Variants in EDARADD observed in about 807,000 individuals in gnomAD.
The protein encoded by EDARADD is EDAR associated via death domain.
Under a neutral mutation model 25.6 loss-of-function variants are expected in EDARADD, and 20 were observed. The observed-to-expected ratio is 0.78, with a 90% confidence interval of 0.55 to 1.14. The LOEUF (loss-of-function observed/expected upper bound fraction) is 1.14. Among genes scored for constraint, EDARADD ranks in the 50% most tolerant of loss-of-function variants. EDARADD has a pLI of 0.00. For synonymous variants in EDARADD, 86 were observed against 94.4 expected, an observed-to-expected ratio of 0.91 and a Z score of 0.52; for missense variants, 225 against 270.1, an observed-to-expected ratio of 0.83 and a Z score of 1.17.
intron 1 of EDARADD, among the ~76,000 whole-genome samples, chr1:236,405,727 T>C (rs1376464592): frequency 4.9e-5 from 1 of 20,318 alleles, no homozygotes; most frequent in African/African-American, 2.2e-4. Flanking sequence ...TCCTTTCTTT[T>C]TCTTTCTTTC....
intron 3 of EDARADD, among the ~76,000 whole-genome samples, chr1:236,379,015 CTGAT>C (rs1343005739): frequency 3.3e-5 from 5 of 149,422 alleles, no homozygotes; most frequent in Non-Finnish European, 7.4e-5. Context: ...AAGTCTCTGA[CTGAT>C]TGAAGTAAAA....
At chr1:236,382,181 C>G (rs947163048) in intron 3 of EDARADD, among the ~76,000 whole-genome samples, 6 of 152,028 alleles carry the variant, frequency 3.9e-5, no homozygotes, top group African/African-American at 1.4e-4. Context: ...TGAAGTTACT[C>G]CTAGCCCTTT....
chr1:236,444,790 A>G (rs1239887286), intron 4 of EDARADD, among the ~76,000 whole-genome samples: 1 of 152,110 alleles, frequency 6.6e-6, no homozygotes, highest in East Asian at 1.9e-4. Flanking sequence ...AGTGCACTCT[A>G]AGCTGAATTT....
intron 3 of EDARADD, among the ~76,000 whole-genome samples, chr1:236,422,957 G>A (rs1033756912): frequency 6.6e-6 from 1 of 152,236 alleles, no homozygotes; most frequent in East Asian, 1.9e-4. Flanking sequence ...AGAGAGCCCA[G>A]TATGCAGCTA....
chr1:236,368,261 G>A (rs989898776), intron 3 of EDARADD, among the ~76,000 whole-genome samples: 22 of 152,012 alleles, frequency 1.4e-4, no homozygotes, highest in South Asian at 4.2e-4. Flanking sequence ...GCCTCTGGCC[G>A]GCATTTAAGG....
upstream of EDARADD, among the ~76,000 whole-genome samples, chr1:236,390,941 G>GTTATTA (rs377087092): frequency 0.034 from 5,040 of 148,900 alleles, 330 homozygotes; most frequent in African/African-American, 0.11. Flanking sequence ...TCTTGGGTTA[G>GTTATTA]TTGTTATTAT....
upstream of EDARADD, among the ~76,000 whole-genome samples, chr1:236,394,022 A>T (rs549580874): frequency 4.5e-4 from 68 of 151,960 alleles, no homozygotes; most frequent in African/African-American, 1.5e-3. Flanking sequence ...CCCTTAAAAT[A>T]TACCACCATC....
chr1:236,432,474 A>G (rs993558191), intron 4 of EDARADD, among the ~76,000 whole-genome samples: 2 of 152,186 alleles, frequency 1.3e-5, no homozygotes, highest in African/African-American at 4.8e-5. Context: ...TAAAAATAAG[A>G]AAAATAATAA....
intron 3 of EDARADD, among the ~76,000 whole-genome samples, chr1:236,353,013 A>G (rs112403316): frequency 0.058 from 6,476 of 111,506 alleles, 194 homozygotes; most frequent in South Asian, 0.13. Context: ...CCGTCTCTAA[A>G]AAAAAAACAA....
chr1:236,450,351 T>A (rs1026679513), intron 4 of EDARADD, among the ~76,000 whole-genome samples: 6 of 152,112 alleles, frequency 3.9e-5, no homozygotes, highest in Non-Finnish European at 8.8e-5. Context: ...TTTTTTCCCT[T>A]TGCATGGGTA....
chr1:236,452,502 CTCT>C (rs386640697), intron 4 of EDARADD, among the ~76,000 whole-genome samples: 30 of 151,158 alleles, frequency 2.0e-4, no homozygotes, highest in African/African-American at 4.1e-4. Context: ...CCGATCCCCC[CTCT>C]CTCTCTCTCT....
intron 3 of EDARADD, among the ~76,000 whole-genome samples, chr1:236,353,133 G>T (rs1009364631): frequency 6.6e-6 from 1 of 152,200 alleles, no homozygotes; most frequent in Non-Finnish European, 1.5e-5. Flanking sequence ...CAGGACTCCA[G>T]CCTTGAACTG....
chr1:236,399,639 G>A (rs1667580857), intron 1 of EDARADD, among the ~76,000 whole-genome samples: 1 of 152,214 alleles, frequency 6.6e-6, no homozygotes, highest in Non-Finnish European at 1.5e-5. Context: ...CACAATGGAT[G>A]AGCCAGATTT....
intron 4 of EDARADD, among the ~76,000 whole-genome samples, chr1:236,455,357 G>A (rs1336726709): frequency 6.6e-6 from 1 of 152,206 alleles, no homozygotes; most frequent in Non-Finnish European, 1.5e-5. Context: ...GACCCGACCA[G>A]CATTTGCTGG....
chr1:236,363,002 AAAAAATAT>A (rs1394847618), intron 3 of EDARADD, among the ~76,000 whole-genome samples: 10 of 58,214 alleles, frequency 1.7e-4, no homozygotes, highest in East Asian at 1.6e-3. Context: ...AAAAAAAAAA[AAAAAATAT>A]ATATATATAT....
At chr1:236,461,421 T>C (rs761650054) in intron 4 of EDARADD, among the ~76,000 whole-genome samples, 2 of 152,184 alleles carry the variant, frequency 1.3e-5, no homozygotes, top group African/African-American at 4.8e-5. Flanking sequence ...TTTTCACCAG[T>C]GTATGCTCTT....
rs145452841 is a variant in EDARADD at position 236,359,801 on chromosome 1, T to C, written c.-6+8962T>C. The stretch of plus-strand genomic sequence containing the variant: ...TTGCCACCATGATTCAGTTACCTCC[T>C]ACAGGGTCCCTCCCACAACACATGG... On this transcript the variant is annotated intron_variant, in intron 3 of 7. Transcript: ENST00000439430. Among the ~76,000 whole-genome samples, 171 of 152,272 alleles carry C rather than the reference T, an allele frequency of 1.1e-3. 2 individuals carry two copies. In the South Asian group the frequency reaches 0.02, roughly 18 times the overall value.
At chr1:236,460,553 A>G (rs1659010825) in intron 4 of EDARADD, among the ~76,000 whole-genome samples, 1 of 152,154 alleles carries the variant, frequency 6.6e-6, no homozygotes, top group Non-Finnish European at 1.5e-5. Context: ...CCACATTTTT[A>G]TACGGACTTA....
At chr1:236,363,220 G>A (rs901282834) in intron 3 of EDARADD, among the ~76,000 whole-genome samples, 4 of 150,900 alleles carry the variant, frequency 2.7e-5, no homozygotes, top group African/African-American at 7.3e-5. Context: ...TGATCCATGT[G>A]TCAATTTTTG....
Sources: gnomAD v4.1 joint callset for allele counts (sites outside exome capture counted in the v4.1 genomes callset) on GRCh38, gnomAD v4.1.1 for gene constraint, MANE v1.5 for transcripts, NCBI Gene and HGNC (gene_info 2026-07-23, HGNC 2026-07-21) for gene names.